RNF38: variants seen among roughly 807,000 people sequenced by gnomAD.
RNF38 encodes ring finger protein 38.
In RNF38, 15 loss-of-function variants were observed where a neutral mutation model predicts 67.2. The observed-to-expected ratio is 0.22, with a 90% confidence interval of 0.15 to 0.34. The LOEUF is 0.34. Among genes scored for constraint, RNF38 ranks in the 10% least tolerant of loss-of-function variants. The pLI, the probability that RNF38 is intolerant of heterozygous loss-of-function variation, is 1.00. For synonymous variants in RNF38, 220 were observed against 218.8 expected (o/e 1.01, Z -0.05); for missense variants, 524 against 639.9 (o/e 0.82, Z 1.95).
chr9:36,430,510 A>G (rs1204241996), intron 1 of RNF38, among the ~76,000 whole-genome samples: 2 of 152,100 alleles, frequency 1.3e-5, no homozygotes, highest in African/African-American at 2.4e-5. Context: ...TGGCCTTAAT[A>G]TTTTTTAAAT....
At chr9:36,403,033 C>T (rs963759423), upstream of RNF38, among the ~76,000 whole-genome samples, 6 of 152,154 alleles carry the variant, frequency 3.9e-5, no homozygotes, top group African/African-American at 1.4e-4. Flanking sequence ...CTCCTGGGCT[C>T]AAGCAGTCCT....
At chr9:36,430,364 G>A (rs1368504648) in intron 1 of RNF38, among the ~76,000 whole-genome samples, 1 of 151,976 alleles carries the variant, frequency 6.6e-6, no homozygotes, top group Non-Finnish European at 1.5e-5. Context: ...GCGCCACCAC[G>A]CCTGGCTAAT....
At chr9:36,420,133 C>T (rs1376898775) in intron 2 of RNF38, among the ~76,000 whole-genome samples, 1 of 152,176 alleles carries the variant, frequency 6.6e-6, no homozygotes, top group South Asian at 2.1e-4. Context: ...CAGTGTACTG[C>T]TGTGTGATCT....
chr9:36,408,253 C>T (rs1301492432), intron 2 of RNF38, among the ~76,000 whole-genome samples: 1 of 150,606 alleles, frequency 6.6e-6, no homozygotes, highest in Non-Finnish European at 1.5e-5. Flanking sequence ...CATACACCAC[C>T]ACAACAGACT....
chr9:36,411,211 AACC>A, intron 2 of RNF38, among the ~76,000 whole-genome samples: 1 of 152,180 alleles, frequency 6.6e-6, no homozygotes, highest in East Asian at 1.9e-4. Context: ...TGTAAATGAA[AACC>A]ACCATCTCAC....
intron 5 of RNF38, among the ~76,000 whole-genome samples, chr9:36,356,804 A>G (rs1564005332): frequency 6.6e-6 from 1 of 152,118 alleles, no homozygotes; most frequent in Non-Finnish European, 1.5e-5. Flanking sequence ...AGTTGGTTTA[A>G]GATGTAGCAA....
intron 4 of RNF38, 118 bp downstream of exon 4, chr9:36,369,601 A>G: frequency 1.3e-6 from 1 of 760,120 alleles, no homozygotes; most frequent in Non-Finnish European, 2.1e-6. Context: ...GAGGAACTTA[A>G]ATAACTTCAT....
At chr9:36,436,268 A>T (rs1479342784) in intron 1 of RNF38, among the ~76,000 whole-genome samples, 1 of 151,774 alleles carries the variant, frequency 6.6e-6, no homozygotes, top group Non-Finnish European at 1.5e-5. Context: ...AAAGTACATT[A>T]AAAAATATCT....
At chr9:36,478,648 T>C (rs1840179986) in intron 1 of RNF38, among the ~76,000 whole-genome samples, 1 of 151,142 alleles carries the variant, frequency 6.6e-6, no homozygotes, top group Non-Finnish European at 1.5e-5. Context: ...AGAAACCCCG[T>C]CGCTACTAAA....
rs558763022 is a variant in RNF38, at chr9:36,436,005, A to AT, written n.242-11323dup. 7.9e-3 allele frequency among the ~76,000 whole-genome samples: 1,205 copies of AT among 152,268 alleles called. 8 individuals carry two copies. The highest frequency in any genetic ancestry group is 0.014 in the Middle Eastern group (4 of 294). ...TTTTTGTATCCATGAGAACCTATAG[A>AT]TTTTTACTTCCTAAAAAAGCACTTG... On this transcript the variant is annotated intron_variant and non_coding_transcript_variant, in intron 1 of 3. Coordinates refer to the RNF38 transcript ENST00000488058.
intron 3 of RNF38, among the ~76,000 whole-genome samples, chr9:36,371,047 C>T (rs1835342186): frequency 6.6e-6 from 1 of 152,156 alleles, no homozygotes; most frequent in Non-Finnish European, 1.5e-5. Flanking sequence ...CTGCTTTTTA[C>T]AATGGCTCAG....
chr9:36,455,006 A>C (rs924882311), intron 1 of RNF38, among the ~76,000 whole-genome samples: 1 of 152,172 alleles, frequency 6.6e-6, no homozygotes, highest in Admixed American at 6.6e-5. Flanking sequence ...ATCAGTATTC[A>C]ACTCCCATGC....
intron 1 of RNF38, among the ~76,000 whole-genome samples, chr9:36,478,081 T>G (rs1474049429): frequency 6.6e-6 from 1 of 151,926 alleles, no homozygotes; most frequent in Non-Finnish European, 1.5e-5. Flanking sequence ...GAAGAAAATT[T>G]TCACTAAAAG....
chr9:36,364,077 A>G (rs747681464), intron 4 of RNF38, among the ~76,000 whole-genome samples: 15,494 of 60,838 alleles, frequency 0.25, 2,760 homozygotes, highest in Non-Finnish European at 0.38. Context: ...GGATCTGCCC[A>G]CTTCAGCCTC....
chr9:36,391,028 T>G (rs1837041625), intron 1 of RNF38, among the ~76,000 whole-genome samples: 1 of 152,244 alleles, frequency 6.6e-6, no homozygotes, highest in Non-Finnish European at 1.5e-5. Flanking sequence ...ATTCTGTTTT[T>G]TAGTTAACCT....
At position 36,418,945 on chromosome 9, in the gene RNF38, G is replaced by T. The variant is rs140933237; in HGVS notation, n.312+5668C>A. On this transcript the variant is annotated intron_variant and non_coding_transcript_variant, in intron 2 of 3. Transcript: ENST00000488058. ...ACCACTGCATTCCAGCCTGGGCAAT[G>T]GAGCAAGACTCCATTTCAAAAATAA... Among the ~76,000 whole-genome samples the T allele has an allele frequency of 5.5e-3, 832 of 152,148 alleles. 11 individuals are homozygous for T. The highest frequency in any genetic ancestry group is 0.019 in the African/African-American group (790 of 41,498).
chr9:36,412,499 T>A (rs933146222), intron 2 of RNF38, among the ~76,000 whole-genome samples: 2 of 152,240 alleles, frequency 1.3e-5, no homozygotes, highest in Non-Finnish European at 2.9e-5. Context: ...TCATGTACTG[T>A]AATCCCCAGT....
At chr9:36,387,011 C>T (rs1052160971) in intron 2 of RNF38, among the ~76,000 whole-genome samples, 30 of 152,278 alleles carry the variant, frequency 2.0e-4, no homozygotes, top group African/African-American at 6.5e-4. Context: ...CCATGTTGGC[C>T]AGGCTGATCT....
intron 1 of RNF38, among the ~76,000 whole-genome samples, chr9:36,432,282 G>A (rs1838948751): frequency 6.6e-6 from 1 of 151,940 alleles, no homozygotes; most frequent in Admixed American, 6.6e-5. Flanking sequence ...TTACAGGGGT[G>A]TGCCATTATG....
Sources: gnomAD v4.1 joint callset for allele counts (sites outside exome capture counted in the v4.1 genomes callset) on GRCh38, gnomAD v4.1.1 for gene constraint, MANE v1.5 for transcripts, NCBI Gene and HGNC (gene_info 2026-07-23, HGNC 2026-07-21) for gene names.